The following DIXDC1 variants were observed in gnomAD, a reference collection of about 807,000 sequenced individuals.
DIXDC1 encodes the protein dixin.
A neutral mutation model predicts 103.1 loss-of-function variants in DIXDC1; 64 were observed. The ratio of observed to expected loss-of-function variants is 0.62; its 90% CI spans 0.51 to 0.76. DIXDC1 has a LOEUF of 0.76. DIXDC1 is among the 30% of genes least tolerant of loss of function. DIXDC1 has a pLI of 0.00. For synonymous variants in DIXDC1, 266 were observed against 298.5 expected (o/e 0.89, Z 1.12); for missense variants, 759 against 834.2 (o/e 0.91, Z 1.11).
chr11:111,977,723 C>T lies in DIXDC1; in HGVS notation c.656+2740C>T, dbSNP rs922664210. The T allele has an allele frequency of 9.0e-6, 14 of 1,552,418 alleles. No homozygotes were observed. Among genetic ancestry groups the T allele is most frequent in the African/African-American group, 1.4e-5 (1 of 72,674 alleles). On this transcript the variant is annotated intron_variant, in intron 5 of 19. Coordinates refer to ENST00000440460, the MANE Select transcript of DIXDC1 (RefSeq NM_001037954.4). The surrounding 1 kb of genome is among the most constrained non-coding windows in gnomAD (Gnocchi z 6.1). Reference sequence around the variant, plus strand: ...GAGCGATGTGACTCTCAGCCTCCCACTTCACCCGGGGACGCAGGCTTGCTG... The same window carrying T: ...GAGCGATGTGACTCTCAGCCTCCCATTTCACCCGGGGACGCAGGCTTGCTG...
At chr11:111,975,086 C>T in intron 5 of DIXDC1, 103 bp downstream of exon 5, 2 of 1,527,254 alleles carry the variant, frequency 1.3e-6, no homozygotes. Context: ...TTTTTCTCCC[C>T]TCAGTTTATG....
intron 1 of DIXDC1, among the ~76,000 whole-genome samples, chr11:111,954,543 C>T (rs1966872492): frequency 6.6e-6 from 1 of 152,058 alleles, no homozygotes; most frequent in Non-Finnish European, 1.5e-5. Context: ...TAAAAGGGTG[C>T]TTAGGTTATA....
rs1860347819 is a variant in DIXDC1 at position 111,982,550 on chromosome 11, A to G, written c.918+63A>G. The G allele has an allele frequency of 4.5e-6, 7 of 1,540,970 alleles. No individual in the cohort carries two copies. In the South Asian group the frequency reaches 4.9e-5, roughly 11 times the overall value. On this transcript the variant is annotated intron_variant, in intron 7 of 19. Transcript: ENST00000440460. ...ATTGATTATTAAGTCAGTATTATCA[A>G]TGGAAAATAAACTGATTTTAGTTTT...
chr11:112,013,261 C>T (rs797025505), intron 17 of DIXDC1, among the ~76,000 whole-genome samples: 22 of 129,104 alleles, frequency 1.7e-4, no homozygotes, highest in African/African-American at 6.4e-4. Flanking sequence ...AAGGCCCTAT[C>T]TCCAAAACAG....
At chr11:111,937,127 C>CGGGGGGGGGGGGGGGGGGGGGGG (rs200146124), upstream of DIXDC1, 3 of 502,588 alleles carry the variant, frequency 6.0e-6, no homozygotes, top group Admixed American at 4.4e-4. Context: ...TGCTGCGGCC[C>CGGGGGGGGGGGGGGGGGGGGGGG]GGGCGGGGGG....
chr11:111,979,093 C>CCA (rs1566520323), intron 5 of DIXDC1, among the ~76,000 whole-genome samples: 1 of 152,218 alleles, frequency 6.6e-6, no homozygotes, highest in Non-Finnish European at 1.5e-5. Context: ...GGTTAAGCAA[C>CCA]TTTCTTTAAT....
chr11:111,981,345 G>T (rs587732774), intron 6 of DIXDC1, among the ~76,000 whole-genome samples: 1 of 152,304 alleles, frequency 6.6e-6, no homozygotes, highest in Admixed American at 6.5e-5. Context: ...CTCTGTCTCA[G>T]TTGCTCTTTA....
chr11:111,938,747 C>T (rs1399761955), intron 1 of DIXDC1, among the ~76,000 whole-genome samples: 1 of 152,194 alleles, frequency 6.6e-6, no homozygotes, highest in Non-Finnish European at 1.5e-5. Context: ...GTCTGGCCCC[C>T]GTGCCCTAGC....
At chr11:112,013,321 T>TGGGGGGGGGGGGGGGGGGG (rs1403269609) in intron 17 of DIXDC1, among the ~76,000 whole-genome samples, 48 of 35,646 alleles carry the variant, frequency 1.3e-3, no homozygotes, top group Non-Finnish European at 1.5e-3. Flanking sequence ...GGTCGGGGGG[T>TGGGGGGGGGGGGGGGGGGG]GGGGGTGGGG....
intron 17 of DIXDC1, among the ~76,000 whole-genome samples, chr11:111,996,517 G>C (rs1340524116): frequency 6.6e-6 from 1 of 152,140 alleles, no homozygotes; most frequent in Non-Finnish European, 1.5e-5. Flanking sequence ...CTTCTTCCTT[G>C]AAGCAAGGCG....
chr11:111,991,188 A>T (rs1860702903), intron 10 of DIXDC1, among the ~76,000 whole-genome samples: 1 of 152,222 alleles, frequency 6.6e-6, no homozygotes, highest in Non-Finnish European at 1.5e-5. Context: ...GAAACACTTT[A>T]AAAAACAAAT....
intron 1 of DIXDC1, among the ~76,000 whole-genome samples, chr11:111,940,512 A>G (rs1966382882): frequency 6.6e-6 from 1 of 151,990 alleles, no homozygotes; most frequent in African/African-American, 2.4e-5. Context: ...ATGTGCCAAT[A>G]TGGATTTCTG....
chr11:111,955,833 C>CAAAA (rs781822030), intron 1 of DIXDC1, among the ~76,000 whole-genome samples: 6 of 17,672 alleles, frequency 3.4e-4, no homozygotes, highest in South Asian at 2.1e-3. Context: ...GACTCTAGCT[C>CAAAA]AAAAAAAAAA....
intron 1 of DIXDC1, among the ~76,000 whole-genome samples, chr11:111,961,475 T>A (rs1555171074): frequency 1.3e-5 from 2 of 152,248 alleles, no homozygotes; most frequent in African/African-American, 4.8e-5. Context: ...CCTGCCAGAT[T>A]AGCATTAGAT....
intron 5 of DIXDC1, among the ~76,000 whole-genome samples, chr11:111,979,683 A>G (rs1361178638): frequency 6.6e-6 from 1 of 152,250 alleles, no homozygotes; most frequent in Non-Finnish European, 1.5e-5. Flanking sequence ...CTTAAGGGCC[A>G]GGTACGGTGG....
intron 1 of DIXDC1, among the ~76,000 whole-genome samples, chr11:111,948,818 C>T (rs1229187535): frequency 6.6e-6 from 1 of 152,146 alleles, no homozygotes; most frequent in Admixed American, 6.5e-5. Context: ...CCCACCTCCG[C>T]ACTTCCCCAC....
chr11:111,946,750 A>G (rs188295515), intron 1 of DIXDC1: 1 of 478,464 alleles, frequency 2.1e-6, no homozygotes, highest in Admixed American at 2.1e-5. Context: ...GCCTGGGCAC[A>G]CGCCACATGC....
At chr11:111,966,496 C>G (rs1482500155) in intron 2 of DIXDC1, among the ~76,000 whole-genome samples, 1 of 151,156 alleles carries the variant, frequency 6.6e-6, no homozygotes, top group South Asian at 2.1e-4. Flanking sequence ...CTCCGCCTCC[C>G]GGGTTCACGC....
chr11:111,929,990 C>G, intron 2 of DIXDC1: 1 of 1,301,242 alleles, frequency 7.7e-7, no homozygotes. Flanking sequence ...GGGGATTTCT[C>G]CATCAGGACT....
Sources: gnomAD v4.1 joint callset for allele counts (sites outside exome capture counted in the v4.1 genomes callset) on GRCh38, gnomAD v4.1.1 for gene constraint, Gnocchi (gnomAD v3.1) non-coding constraint, MANE v1.5 for transcripts, NCBI Gene and HGNC (gene_info 2026-07-23, HGNC 2026-07-21) for gene names.